The following DIXDC1 variants were observed in gnomAD, a reference collection of about 807,000 sequenced individuals.
DIXDC1 encodes dixin.
In DIXDC1, 64 loss-of-function variants were observed where a neutral mutation model predicts 103.1. That is an observed-to-expected ratio of 0.62 (90% CI 0.51 to 0.76). DIXDC1 has a LOEUF of 0.76. Ranked by LOEUF, DIXDC1 falls within the 30% of genes least tolerant of loss-of-function variation. DIXDC1 has a pLI of 0.00. For missense variants in DIXDC1, 759 were observed against 834.2 expected (o/e 0.91, Z 1.11); for synonymous variants, 266 against 298.5 (o/e 0.89, Z 1.12).
intron 17 of DIXDC1, among the ~76,000 whole-genome samples, chr11:112,002,672 C>T (rs1054062978): frequency 2.6e-4 from 40 of 152,074 alleles, no homozygotes; most frequent in African/African-American, 9.4e-4. Flanking sequence ...CTTGTAGTCC[C>T]AGCTATTCAG....
chr11:111,998,826 G>C lies in DIXDC1; in HGVS notation c.1756+2680G>C, dbSNP rs10891306. ...TGGGATTACAGGCGTGAGCCACCGC[G>C]CCTGGCCTAGTACTATATTTTTAAA... On this transcript the variant is annotated intron_variant, in intron 17 of 19. Transcript: ENST00000440460. This position sits in a 1 kb window ranked among gnomAD's most constrained non-coding sequence, Gnocchi z 4.1. Among the ~76,000 whole-genome samples the C allele has an allele frequency of 0.31, 47,526 of 152,054 alleles. 8,473 individuals carry two copies. Among genetic ancestry groups the C allele is most frequent in the East Asian group, 0.58 (3,023 of 5,172 alleles).
intron 17 of DIXDC1, among the ~76,000 whole-genome samples, chr11:112,004,116 A>G (rs997539897): frequency 3.3e-5 from 5 of 149,764 alleles, no homozygotes; most frequent in Admixed American, 6.7e-5. Context: ...GTATATGTGT[A>G]TATATATATG....
intron 7 of DIXDC1, among the ~76,000 whole-genome samples, chr11:111,983,180 A>G (rs587646079): frequency 5.3e-5 from 8 of 152,274 alleles, no homozygotes; most frequent in African/African-American, 1.9e-4. Flanking sequence ...GCCTAGGAAT[A>G]TTCCTTTCTG....
rs587704211 is a variant in DIXDC1, at chr11:112,019,001, G to A, written c.2017G>A (p.Val673Ile). ...CATCCCTGGATGGGAAGGGAAAATTGTAGCTTGGGTGGAAGAAGACCATGG... is the reference window on the plus strand; with the variant it reads ...CATCCCTGGATGGGAAGGGAAAATTATAGCTTGGGTGGAAGAAGACCATGG... ...DAIPGWEGKI[V>I]AWVEEDHGEN is the part of the protein sequence containing the mutation. The change falls in exon 20 of 20, where the codon GTA becomes ATA. Residue 673 changes from valine (V) to isoleucine (I), a missense_variant. Val to Ile is a conservative substitution (Grantham distance 29). Coordinates refer to ENST00000440460, the MANE Select transcript of DIXDC1 (RefSeq NM_001037954.4). The A allele has an allele frequency of 1.2e-6, 2 of 1,612,102 alleles. No individual in the cohort carries two copies. The highest frequency in any genetic ancestry group is 2.7e-5 in the African/African-American group (2 of 74,998).
chr11:112,021,859 T>C lies in DIXDC1; in HGVS notation c.*2823T>C, dbSNP rs1861770593. 1 of 151,950 alleles carries C rather than the reference T, an allele frequency of 6.6e-6. No homozygotes were observed. The highest frequency in any genetic ancestry group is 6.6e-5 in the Admixed American group (1 of 15,234). The allele number at this position is 151,950 out of a possible 1,614,324, so 9.4% of individuals were successfully genotyped here. Reference sequence around the variant, plus strand: ...AGCTGGGGATGGTGGCACACACCTGTAGTCCCAGCTACTCAGGAGGTTGAG... The same window carrying C: ...AGCTGGGGATGGTGGCACACACCTGCAGTCCCAGCTACTCAGGAGGTTGAG... On this transcript the variant is annotated 3_prime_UTR_variant, in exon 20 of 20. Coordinates refer to ENST00000440460, the MANE Select transcript of DIXDC1 (RefSeq NM_001037954.4).
At chr11:112,004,584 C>T (rs1861176029) in intron 17 of DIXDC1, among the ~76,000 whole-genome samples, 1 of 152,188 alleles carries the variant, frequency 6.6e-6, no homozygotes, top group African/African-American at 2.4e-5. Flanking sequence ...AACAGAGAAG[C>T]ACTGCTCATC....
At chr11:111,939,483 T>C (rs1397707955) in intron 1 of DIXDC1, among the ~76,000 whole-genome samples, 4 of 152,174 alleles carry the variant, frequency 2.6e-5, no homozygotes, top group Non-Finnish European at 2.9e-5. Flanking sequence ...TTCTCTGATA[T>C]TTGATTTTTC....
intron 17 of DIXDC1, among the ~76,000 whole-genome samples, chr11:112,004,432 G>A (rs1861171719): frequency 6.6e-6 from 1 of 152,136 alleles, no homozygotes; most frequent in African/African-American, 2.4e-5. Context: ...ACAGCTAGTG[G>A]GGATGGAAAG....
At position 111,972,227 on chromosome 11, in the gene DIXDC1, T is replaced by C. The variant is rs587593564; in HGVS notation, c.317-1796T>C. ...TAAAATAAAAATTTACCCATTTCGT[T>C]ACATTGACTTTCACCAGACTTACCA... On this transcript the variant is annotated intron_variant, in intron 3 of 19. Transcript: ENST00000440460. 8.5e-5 allele frequency among the ~76,000 whole-genome samples: 13 copies of C among 152,350 alleles called. No homozygotes were observed. In the South Asian group the frequency reaches 2.7e-3, roughly 32 times the overall value.
intron 1 of DIXDC1, among the ~76,000 whole-genome samples, chr11:111,957,524 T>G (rs1199280915): frequency 6.6e-6 from 1 of 152,236 alleles, no homozygotes; most frequent in Non-Finnish European, 1.5e-5. Context: ...ATCATGTGCC[T>G]TTTGGTATGG....
At chr11:111,973,636 A>G (rs1168333100) in intron 3 of DIXDC1, among the ~76,000 whole-genome samples, 3 of 152,006 alleles carry the variant, frequency 2.0e-5, no homozygotes, top group Non-Finnish European at 4.4e-5. Context: ...CCACTTCAAG[A>G]CCTTCACACC....
rs937448337 is a variant in DIXDC1 at position 111,995,114 on chromosome 11, T to C, written c.1527+6T>C. The C allele has an allele frequency of 1.9e-6, 3 of 1,612,860 alleles. No homozygotes were observed. The highest frequency in any genetic ancestry group is 2.5e-6 in the Non-Finnish European group (3 of 1,179,702). On this transcript the variant is annotated splice_donor_region_variant and intron_variant, in intron 15 of 19. Transcript: ENST00000440460. ...CTTCAGTCAGCAACAGAGGGGTACG[T>C]ACCTGGAGTTTTGATGGAGTCCTGC...
chr11:111,956,904 T>C (rs1333220621), intron 1 of DIXDC1, among the ~76,000 whole-genome samples: 1 of 152,080 alleles, frequency 6.6e-6, no homozygotes, highest in Non-Finnish European at 1.5e-5. Context: ...TGGGAGTTCA[T>C]GCGTGTAATC....
chr11:111,969,722 G>A lies in DIXDC1; in HGVS notation c.316+1084G>A, dbSNP rs181934319. 1.8e-3 allele frequency among the ~76,000 whole-genome samples: 278 copies of A among 152,242 alleles called. 4 individuals are homozygous for A. Among genetic ancestry groups the A allele is most frequent in the African/African-American group, 6.3e-3 (262 of 41,540 alleles). Reference sequence around the variant, plus strand: ...GGTCTCATGACAATAGGGGCAGAACGGCTCATGTTGGATTATTATATTAGT... The same window carrying A: ...GGTCTCATGACAATAGGGGCAGAACAGCTCATGTTGGATTATTATATTAGT... On this transcript the variant is annotated intron_variant, in intron 3 of 19. Transcript: ENST00000440460.
At position 112,020,680 on chromosome 11, in the gene DIXDC1, A is replaced by T. The variant is rs1429889550; in HGVS notation, c.*1644A>T. On this transcript the variant is annotated 3_prime_UTR_variant, in exon 20 of 20. Coordinates refer to ENST00000440460, the MANE Select transcript of DIXDC1 (RefSeq NM_001037954.4). ...ATTACGAGTATATTAATGACAACTA[A>T]TTCCTGTTCCAATTCTACCTGTTTT... 1.3e-5 allele frequency: 2 copies of T among 152,190 alleles called. No individual in the cohort carries two copies. Among genetic ancestry groups the T allele is most frequent in the African/African-American group, 2.4e-5 (1 of 41,442 alleles). 9.4% of individuals were successfully genotyped at this position (152,190 alleles called of 1,614,324 possible). A position where few individuals can be genotyped will look rare whatever the true frequency, so the allele number is the denominator to read the frequency against.
chr11:112,009,763 T>C (rs1352002635), intron 17 of DIXDC1, among the ~76,000 whole-genome samples: 1 of 152,182 alleles, frequency 6.6e-6, no homozygotes, highest in Non-Finnish European at 1.5e-5. Context: ...TCAACAGCCC[T>C]TCATGCTAAA....
chr11:111,974,259 G>C lies in DIXDC1; in HGVS notation c.548+5G>C. On this transcript the variant is annotated splice_donor_5th_base_variant and intron_variant, in intron 4 of 19. Transcript: ENST00000440460. ...TGTCTTTCGATATAGACAGAGGTAA[G>C]GGTAGAAATCTGGGGGTGGGAACTG... is the stretch of plus-strand genomic sequence containing the variant. The C allele has an allele frequency of 6.2e-7, 1 of 1,610,146 alleles. No individual in the cohort carries two copies. Among genetic ancestry groups the C allele is most frequent in the Admixed American group, 1.7e-5 (1 of 59,438 alleles).
At position 111,975,243 on chromosome 11, in the gene DIXDC1, G is replaced by T; in HGVS notation, c.656+260G>T. 2.4e-6 allele frequency: 3 copies of T among 1,264,434 alleles called. No homozygotes were observed. The Admixed American group carries it at 1.0e-4, about 42-fold the overall frequency. 78.3% of individuals were successfully genotyped at this position (1,264,434 alleles called of 1,614,324 possible). The stretch of plus-strand genomic sequence containing the variant: ...AGTGCTTAACTGTGACCACATGGGG[G>T]CATGGCTGGAACCTGTCAGGGCCCA... On this transcript the variant is annotated intron_variant, in intron 5 of 19. Coordinates refer to ENST00000440460, the MANE Select transcript of DIXDC1 (RefSeq NM_001037954.4).
At position 111,937,497 on chromosome 11, in the gene DIXDC1, A is replaced by G. The variant is rs1555168316; in HGVS notation, c.-3A>G. ...CCCGCCCGGGGAGCCCCCAGCAGGA[A>G]CAATGCTAGCCTGCCTGACCCGAGG... On this transcript the variant is annotated 5_prime_UTR_variant, in exon 1 of 20. Coordinates refer to ENST00000440460, the MANE Select transcript of DIXDC1 (RefSeq NM_001037954.4). 3.2e-6 allele frequency: 5 copies of G among 1,585,058 alleles called. No homozygotes were observed. Among genetic ancestry groups the G allele is most frequent in the Admixed American group, 3.6e-5 (2 of 55,556 alleles).
Sources: gnomAD v4.1 joint callset for allele counts (sites outside exome capture counted in the v4.1 genomes callset) on GRCh38, gnomAD v4.1.1 for gene constraint, Gnocchi (gnomAD v3.1) non-coding constraint, MANE v1.5 for transcripts, NCBI Gene and HGNC (gene_info 2026-07-23, HGNC 2026-07-21) for gene names.